GABPA: variants seen among roughly 807,000 people sequenced by gnomAD.
GABPA encodes the protein GA binding protein transcription factor subunit alpha.
GABPA carries 4 observed loss-of-function variants against 59.4 expected under a neutral mutation model. The observed-to-expected ratio is 0.07, with a 90% CI of 0.03 to 0.15. GABPA has a LOEUF of 0.15. Ranked by LOEUF, GABPA falls within the 10% of genes least tolerant of loss-of-function variation. The pLI, the probability that GABPA is intolerant of heterozygous loss-of-function variation, is 1.00. For synonymous variants in GABPA, 164 were observed against 183.1 expected, an observed-to-expected ratio of 0.90 and a Z score of 0.84; for missense variants, 251 against 543.8, an observed-to-expected ratio of 0.46 and a Z score of 5.36.
At position 25,764,790 on chromosome 21, in the gene GABPA, A is replaced by G; in HGVS notation, c.1136+3A>G. 6.5e-7 allele frequency: 1 copy of G among 1,547,872 alleles called. No homozygotes were observed. The highest frequency in any genetic ancestry group is 1.2e-5 in the South Asian group (1 of 80,104). ...GAGAAACTCAGTCGTGCATTAAGGT[A>G]AGCCTTTATTACTTTTTTTTCTGTT... On this transcript the variant is annotated splice_donor_region_variant and intron_variant, in intron 9 of 9. Transcript: ENST00000400075.
chr21:25,745,435 T>C lies in GABPA; in HGVS notation c.222+81T>C, dbSNP rs2035336534. ...TTTTTGTTAGCCTTTTCTTTATAGC[T>C]ATAGACTTTATCTCTGTAAGAAGAT... is the stretch of plus-strand genomic sequence containing the variant. On this transcript the variant is annotated intron_variant, in intron 3 of 9. Coordinates refer to ENST00000400075, the MANE Select transcript of GABPA (RefSeq NM_002040.4). 3.2e-6 allele frequency: 4 copies of C among 1,257,642 alleles called. No individual in the cohort carries two copies. In the South Asian group the frequency reaches 4.2e-5, roughly 13 times the overall value. 77.9% of individuals were successfully genotyped at this position (1,257,642 alleles called of 1,614,324 possible).
At position 25,744,238 on chromosome 21, in the gene GABPA, T is replaced by C. The variant is rs369082023; in HGVS notation, c.78-972T>C. Among the ~76,000 whole-genome samples, 17 of 152,196 alleles carry C rather than the reference T, an allele frequency of 1.1e-4. No homozygotes were observed. The East Asian group carries it at 2.7e-3, about 24-fold the overall frequency. On this transcript the variant is annotated intron_variant, in intron 2 of 9. Coordinates refer to ENST00000400075, the MANE Select transcript of GABPA (RefSeq NM_002040.4). Reference sequence around the variant, plus strand: ...CAAGTGCAATGGCACACACCTGTAGTCCCAGCTACTTGGGAGGCTGAGGTG... The same window carrying C: ...CAAGTGCAATGGCACACACCTGTAGCCCCAGCTACTTGGGAGGCTGAGGTG...
At chr21:25,752,463 G>A (rs1303209917) in intron 5 of GABPA, 5 of 496,958 alleles carry the variant, frequency 1.0e-5, no homozygotes, top group South Asian at 9.2e-5. Context: ...CTCTTAGGGT[G>A]TTGAGAGTGT....
intron 1 of GABPA, among the ~76,000 whole-genome samples, chr21:25,739,297 C>G (rs2035159148): frequency 6.6e-6 from 1 of 152,160 alleles, no homozygotes; most frequent in South Asian, 2.1e-4. Context: ...GGAAGGGAGA[C>G]TCAGTTTCTT....
chr21:25,764,517 A>T, intron 8 of GABPA, 78 bp from the exon 9 acceptor site: 1 of 1,472,692 alleles, frequency 6.8e-7, no homozygotes, highest in Non-Finnish European at 9.3e-7. Context: ...GATTTAAACC[A>T]CGGGACCAGT....
At chr21:25,765,781 T>C (rs952487826) in intron 9 of GABPA, among the ~76,000 whole-genome samples, 3 of 151,992 alleles carry the variant, frequency 2.0e-5, no homozygotes, top group Admixed American at 2.0e-4. Flanking sequence ...TTGATACAGA[T>C]TGTATACATA....
At chr21:25,754,296 T>C (rs994781456) in intron 5 of GABPA, among the ~76,000 whole-genome samples, 54 of 152,222 alleles carry the variant, frequency 3.5e-4, no homozygotes, top group Non-Finnish European at 5.1e-4. Context: ...ATTGTATTTC[T>C]GTTGGACAGC....
chr21:25,735,651 C>T (rs1174374257), intron 1 of GABPA, 73 bp downstream of exon 1: 1 of 152,096 alleles, frequency 6.6e-6, no homozygotes, highest in Non-Finnish European at 1.5e-5. Context: ...CCTTTTCCCC[C>T]ACAAGGGCCC....
At chr21:25,765,330 G>A (rs71651641) in intron 9 of GABPA, among the ~76,000 whole-genome samples, 21 of 152,064 alleles carry the variant, frequency 1.4e-4, no homozygotes, top group East Asian at 1.2e-3. Flanking sequence ...AGAATATCAC[G>A]GAATTATGTC....
chr21:25,762,229 T>G, intron 6 of GABPA, 83 bp from the exon 7 acceptor site: 1 of 694,534 alleles, frequency 1.4e-6, no homozygotes, highest in Non-Finnish European at 2.5e-6. Flanking sequence ...AAAAGAACCA[T>G]GTTTATTAAG....
At chr21:25,746,424 G>A (rs2035367043) in intron 3 of GABPA, among the ~76,000 whole-genome samples, 1 of 152,074 alleles carries the variant, frequency 6.6e-6, no homozygotes, top group Admixed American at 6.5e-5. Flanking sequence ...CTTGTGATAT[G>A]GGTATTCTGT....
intron 1 of GABPA, 140 bp from the exon 2 acceptor site, chr21:25,741,433 T>C: frequency 2.5e-6 from 1 of 407,684 alleles, no homozygotes; most frequent in Non-Finnish European, 4.5e-6. Flanking sequence ...CACACCCAGC[T>C]GATTTTCTTC....
At chr21:25,750,998 G>C (rs975427547) in intron 4 of GABPA, among the ~76,000 whole-genome samples, 2 of 152,118 alleles carry the variant, frequency 1.3e-5, no homozygotes, top group African/African-American at 2.4e-5. Context: ...TCGAAGTTGA[G>C]TTGTGCTTTT....
At chr21:25,767,537 CTTT>C (rs953384526) in intron 9 of GABPA, among the ~76,000 whole-genome samples, 3 of 151,750 alleles carry the variant, frequency 2.0e-5, no homozygotes, top group African/African-American at 7.3e-5. Context: ...TGTGTATATT[CTTT>C]TTTATCACCT....
chr21:25,760,165 G>A lies in GABPA; in HGVS notation c.748+1961G>A, dbSNP rs1408259581. On this transcript the variant is annotated intron_variant, in intron 6 of 9. Transcript: ENST00000400075. ...TCCAGCCATGGTTCTTCACTCTGCC[G>A]GGGTAGGGAAATCCCATCTGCTTTG... is the stretch of plus-strand genomic sequence containing the variant. Among the ~76,000 whole-genome samples, 3 of 152,128 alleles carry A rather than the reference G, an allele frequency of 2.0e-5. No homozygotes were observed. In the East Asian group the frequency reaches 5.8e-4, roughly 29 times the overall value.
At chr21:25,749,185 G>A (rs2035444649) in intron 4 of GABPA, 65 bp downstream of exon 4, 4 of 937,360 alleles carry the variant, frequency 4.3e-6, no homozygotes, top group Non-Finnish European at 6.7e-6. Context: ...CAATTTATAA[G>A]TTTTTAGGTG....
chr21:25,749,849 A>G (rs939520911), intron 4 of GABPA, among the ~76,000 whole-genome samples: 1 of 152,210 alleles, frequency 6.6e-6, no homozygotes, highest in African/African-American at 2.4e-5. Flanking sequence ...CAATCAATAA[A>G]AAAATAGATG....
chr21:25,739,797 T>C (rs2035173560), intron 1 of GABPA, among the ~76,000 whole-genome samples: 1 of 152,182 alleles, frequency 6.6e-6, no homozygotes, highest in Admixed American at 6.5e-5. Flanking sequence ...AAAATGTTTT[T>C]ATAGGAGACA....
chr21:25,740,748 A>T (rs972647258), intron 1 of GABPA, among the ~76,000 whole-genome samples: 1 of 152,228 alleles, frequency 6.6e-6, no homozygotes, highest in African/African-American at 2.4e-5. Context: ...AATAATGTGC[A>T]TATCTGTAAT....
Sources: allele counts gnomAD v4.1 joint callset (sites outside exome capture counted in the v4.1 genomes callset), GRCh38; gene constraint gnomAD v4.1.1; transcripts MANE v1.5; gene names NCBI Gene and HGNC (gene_info 2026-07-23, HGNC 2026-07-21).